The following NRDC variants were observed in gnomAD, a reference collection of about 807,000 sequenced individuals.
The protein encoded by NRDC is nardilysin.
Under a neutral mutation model 147.1 loss-of-function variants are expected in NRDC, and 54 were observed. The ratio of observed to expected loss-of-function variants is 0.37; its 90% CI spans 0.29 to 0.46. NRDC has a LOEUF of 0.46. NRDC is among the 20% of genes least tolerant of loss of function. The pLI, the probability that NRDC is intolerant of heterozygous loss-of-function variation, is 1.00. For missense variants in NRDC, 1,082 were observed against 1,370.6 expected (o/e 0.79, Z 3.33); for synonymous variants, 440 against 482.1 (o/e 0.91, Z 1.14).
intron 5 of NRDC, among the ~76,000 whole-genome samples, 191 bp downstream of exon 5, chr1:51,827,605 C>T (rs1264611012): frequency 6.6e-6 from 1 of 151,364 alleles, no homozygotes; most frequent in African/African-American, 2.4e-5. Flanking sequence ...AATCCACCAT[C>T]CTTTTCATTT....
At chr1:51,846,545 T>G (rs935384844) in intron 1 of NRDC, among the ~76,000 whole-genome samples, 1 of 152,240 alleles carries the variant, frequency 6.6e-6, no homozygotes, top group African/African-American at 2.4e-5. Flanking sequence ...AGCGGCTTGT[T>G]TGGAGTTTGT....
At chr1:51,791,950 C>T (rs111810188) in intron 26 of NRDC, 96 bp downstream of exon 26, 2 of 1,260,124 alleles carry the variant, frequency 1.6e-6, no homozygotes, top group Admixed American at 1.8e-5. Flanking sequence ...TGGAAGGAAG[C>T]TCTAACAGGC....
At chr1:51,837,694 G>A in intron 2 of NRDC, 1 of 1,222,130 alleles carries the variant, frequency 8.2e-7, no homozygotes, top group Non-Finnish European at 1.1e-6. Context: ...CTTGAGAACT[G>A]AATTAAGAAA....
At chr1:51,874,682 A>G (rs983339039) in intron 1 of NRDC, among the ~76,000 whole-genome samples, 1 of 152,182 alleles carries the variant, frequency 6.6e-6, no homozygotes, top group African/African-American at 2.4e-5. Context: ...TTTCCACTCA[A>G]CACCAATAAA....
chr1:51,877,355 C>CT (rs1169166732), intron 1 of NRDC, among the ~76,000 whole-genome samples: 1 of 151,904 alleles, frequency 6.6e-6, no homozygotes, highest in Admixed American at 6.6e-5. Flanking sequence ...AATATGAACT[C>CT]TATTTAAAAT....
chr1:51,803,799 A>T lies in NRDC; in HGVS notation c.2313+15T>A. On this transcript the variant is annotated intron_variant, in intron 20 of 30. Transcript: ENST00000352171. ...TTAATGCTCTCTATAAGGAAAACAG[A>T]GTACTTGTACTTACAGGTAGTTTGT... 1 of 1,603,716 alleles carries T rather than the reference A, an allele frequency of 6.2e-7. No individual in the cohort carries two copies. The highest frequency in any genetic ancestry group is 8.5e-7 in the Non-Finnish European group (1 of 1,174,118).
At chr1:51,851,775 CTAAAT>C (rs1020478184) in intron 1 of NRDC, among the ~76,000 whole-genome samples, 3 of 152,126 alleles carry the variant, frequency 2.0e-5, no homozygotes, top group African/African-American at 7.2e-5. Flanking sequence ...ATTCACTTGA[CTAAAT>C]TAAAGAACAA....
At chr1:51,807,796 CTTT>C (rs35756457) in intron 17 of NRDC, among the ~76,000 whole-genome samples, 10 of 127,452 alleles carry the variant, frequency 7.8e-5, no homozygotes, top group Middle Eastern at 3.9e-3. Context: ...ATAATTAATA[CTTT>C]TTTTTTTTTT....
At chr1:51,866,442 C>G (rs1682809953) in intron 1 of NRDC, among the ~76,000 whole-genome samples, 1 of 151,982 alleles carries the variant, frequency 6.6e-6, no homozygotes, top group Non-Finnish European at 1.5e-5. Context: ...TAGATAAATT[C>G]TCAAACGTGT....
In NRDC at chr1:51,798,458, A is replaced by G. The variant is rs766959953; in HGVS notation, c.2442-47T>C. 1.6e-5 allele frequency: 24 copies of G among 1,468,496 alleles called. No homozygotes were observed. In the Admixed American group the frequency reaches 4.5e-4, roughly 27 times the overall value. The allele number at this position is 1,468,496 out of a possible 1,614,324, so 91.0% of individuals were successfully genotyped here. ...AACACTCAAAGTTTTGTTATTAGAA[A>G]TGAATCTTCAGAATAAAGAAATGTT... On this transcript the variant is annotated intron_variant, in intron 21 of 30. Coordinates refer to ENST00000352171, the MANE Select transcript of NRDC (RefSeq NM_001101662.2).
At chr1:51,849,544 C>T (rs1213789644) in intron 1 of NRDC, among the ~76,000 whole-genome samples, 1 of 152,046 alleles carries the variant, frequency 6.6e-6, no homozygotes, top group African/African-American at 2.4e-5. Context: ...TGGCCGGGCA[C>T]GGTGGCTCAC....
chr1:51,840,259 T>G lies in NRDC; in HGVS notation c.597A>C (p.Arg199Ser). Residue 199 changes from arginine to serine, a missense_variant, in exon 2 of 31, where the codon AGA becomes AGC. Physicochemically the swap from Arg to Ser is moderately radical, Grantham distance 110. This residue lies in a region of NRDC where 260 missense variants were observed against 253.2 expected (regional missense o/e 1.03). Transcript: ENST00000352171. ...EDNELEELEE[R>S]AEARKKTTEK... is the part of the protein sequence containing the mutation. Reference sequence around the variant, plus strand: ...CAGTAGTTTTTTTTCTAGCTTCTGCTCTCTCTTCTAATTCTTCCAATTCAT... The same window carrying G: ...CAGTAGTTTTTTTTCTAGCTTCTGCGCTCTCTTCTAATTCTTCCAATTCAT... The G allele has an allele frequency of 6.2e-7, 1 of 1,605,784 alleles. No individual in the cohort carries two copies. The highest frequency in any genetic ancestry group is 8.5e-7 in the Non-Finnish European group (1 of 1,176,862).
chr1:51,820,771 C>T (rs919179430), intron 8 of NRDC, among the ~76,000 whole-genome samples: 2 of 152,036 alleles, frequency 1.3e-5, no homozygotes, highest in African/African-American at 4.8e-5. Flanking sequence ...CCACAGGTTA[C>T]CCATCTGATG....
chr1:51,875,228 C>T (rs759741952), intron 1 of NRDC, among the ~76,000 whole-genome samples: 1 of 152,190 alleles, frequency 6.6e-6, no homozygotes, highest in Non-Finnish European at 1.5e-5. Context: ...CTAATAACAT[C>T]TTTTCTTCAA....
intron 1 of NRDC, among the ~76,000 whole-genome samples, chr1:51,846,761 G>A (rs917366083): frequency 6.6e-6 from 1 of 152,236 alleles, no homozygotes; most frequent in Non-Finnish European, 1.5e-5. Flanking sequence ...GGAGCCTGCA[G>A]CCTGCTTTTA....
chr1:51,789,715 TA>T, intron 29 of NRDC, 58 bp from the exon 30 acceptor site: 1 of 1,217,652 alleles, frequency 8.2e-7, no homozygotes, highest in East Asian at 2.3e-5. Flanking sequence ...CTCTTAAACC[TA>T]ACCCCCAGGC....
intron 1 of NRDC, among the ~76,000 whole-genome samples, chr1:51,855,357 C>T (rs1682183471): frequency 2.0e-5 from 3 of 151,714 alleles, no homozygotes; most frequent in Admixed American, 6.6e-5. Context: ...TTGTGCCAGG[C>T]GAGCAGACCC....
At chr1:51,853,002 T>G (rs917913809) in intron 1 of NRDC, among the ~76,000 whole-genome samples, 30 of 151,970 alleles carry the variant, frequency 2.0e-4, no homozygotes, top group Non-Finnish European at 7.4e-5. Context: ...GGCGGGTAGA[T>G]CATGGTGTCA....
rs775778418 is a variant in NRDC at position 51,823,765 on chromosome 1, T to A, written c.1058A>T (p.His353Leu). The A allele has an allele frequency of 1.2e-6, 2 of 1,604,180 alleles. No homozygotes were observed. The highest frequency in any genetic ancestry group is 2.7e-5 in the African/African-American group (2 of 74,684). The change falls in exon 7 of 31, where the codon CAT (histidine) becomes CTT (leucine). Residue 353 changes from histidine to leucine, a missense_variant. Around this residue, in one of 3 missense-constraint regions of NRDC, gnomAD observed 635 missense variants for 923.8 expected, o/e 0.69. Transcript: ENST00000352171. ...FFWGNAETLK[H>L]EPRKNNIDTH... ...ATCAATATTATTCTTTCTTGGCTCA[T>A]GCTTGAGCGTCTCAGCATTTCCTAT...
Sources: gnomAD v4.1 joint callset for allele counts (sites outside exome capture counted in the v4.1 genomes callset) on GRCh38, gnomAD v4.1.1 for gene constraint, gnomAD v4.1.1 regional missense constraint, MANE v1.5 for transcripts, NCBI Gene and HGNC (gene_info 2026-07-23, HGNC 2026-07-21) for gene names.